FRYL: variants seen among roughly 807,000 people sequenced by gnomAD.
FRYL encodes the protein protein furry homolog-like.
FRYL carries 150 observed loss-of-function variants against 351.2 expected under a neutral mutation model. The ratio of observed to expected loss-of-function variants is 0.43; its 90% CI spans 0.37 to 0.49. The LOEUF is 0.49. Ranked by LOEUF, FRYL falls within the 20% of genes least tolerant of loss-of-function variation. The pLI is 0.00. For synonymous variants in FRYL, 1,153 were observed against 1,257.1 expected, an observed-to-expected ratio of 0.92 and a Z score of 1.75; for missense variants, 3,036 against 3,619.3, an observed-to-expected ratio of 0.84 and a Z score of 4.13.
At chr4:48,731,979 G>A (rs1474495438) in intron 1 of FRYL, among the ~76,000 whole-genome samples, 1 of 152,140 alleles carries the variant, frequency 6.6e-6, no homozygotes, top group Non-Finnish European at 1.5e-5. Context: ...ACTATCATCA[G>A]AGTGAGGCAA....
At chr4:48,656,057 AATT>A (rs1451717880) in intron 3 of FRYL, among the ~76,000 whole-genome samples, 2 of 137,678 alleles carry the variant, frequency 1.5e-5, no homozygotes, top group Non-Finnish European at 3.0e-5. Flanking sequence ...ATGTACATAT[AATT>A]ATACATTATA....
chr4:48,670,454 A>G (rs780277250), intron 3 of FRYL, among the ~76,000 whole-genome samples: 1 of 149,926 alleles, frequency 6.7e-6, no homozygotes, highest in Non-Finnish European at 1.5e-5. Flanking sequence ...ATACATATAC[A>G]TATATATATG....
intron 1 of FRYL, among the ~76,000 whole-genome samples, chr4:48,746,270 T>C (rs1324947314): frequency 6.6e-6 from 1 of 152,106 alleles, no homozygotes; most frequent in Non-Finnish European, 1.5e-5. Context: ...ATGCAGTGTT[T>C]TAAAACAGGT....
At chr4:48,728,443 A>G (rs1366070132) in intron 1 of FRYL, among the ~76,000 whole-genome samples, 1 of 152,154 alleles carries the variant, frequency 6.6e-6, no homozygotes, top group East Asian at 1.9e-4. Context: ...AGGAAAGGAG[A>G]GGAACAGAAG....
chr4:48,553,486 G>C, intron 35 of FRYL, 103 bp from the exon 36 acceptor site: 1 of 729,986 alleles, frequency 1.4e-6, no homozygotes, highest in African/African-American at 1.8e-5. Flanking sequence ...TTAAGTGGTA[G>C]ATGAATAAAC....
intron 25 of FRYL, among the ~76,000 whole-genome samples, chr4:48,574,806 G>GTCTCCC (rs1739235564): frequency 2.6e-5 from 4 of 152,128 alleles, no homozygotes; most frequent in African/African-American, 9.7e-5. Flanking sequence ...TTAAAAGAAT[G>GTCTCCC]ACTACATAAA....
At chr4:48,660,261 CAG>C (rs374327903) in intron 3 of FRYL, among the ~76,000 whole-genome samples, 10 of 152,086 alleles carry the variant, frequency 6.6e-5, no homozygotes, top group African/African-American at 1.9e-4. Context: ...AGTAAATAAA[CAG>C]GGGAGAACAG....
chr4:48,709,657 C>T (rs1578789463), intron 2 of FRYL, among the ~76,000 whole-genome samples: 1 of 152,050 alleles, frequency 6.6e-6, no homozygotes, highest in East Asian at 1.9e-4. Flanking sequence ...ATTATGAAAC[C>T]ACCAAAAATC....
At chr4:48,551,359 G>T in intron 37 of FRYL, 135 bp downstream of exon 37, 1 of 538,258 alleles carries the variant, frequency 1.9e-6, no homozygotes, top group Non-Finnish European at 3.2e-6. Context: ...AAAGTTTCCA[G>T]CATGGAAATA....
intron 16 of FRYL, among the ~76,000 whole-genome samples, chr4:48,592,112 A>ATATATATG (rs1743508471): frequency 8.5e-6 from 1 of 117,660 alleles, no homozygotes; most frequent in South Asian, 2.8e-4. Context: ...ATATATATAT[A>ATATATATG]TATTTTATCT....
At chr4:48,506,615 AATATATATATATATATAT>A (rs55736457) in intron 59 of FRYL, 1,494 of 71,648 alleles carry the variant, frequency 0.021, 25 homozygotes, top group African/African-American at 0.029. Flanking sequence ...CAATACAACT[AATATATATATATATATAT>A]ATATATATAT....
intron 15 of FRYL, among the ~76,000 whole-genome samples, chr4:48,595,354 A>C (rs1744385875): frequency 1.3e-5 from 2 of 152,214 alleles, no homozygotes; most frequent in African/African-American, 4.8e-5. Flanking sequence ...GATACTCAGA[A>C]GGTAATTAGT....
At chr4:48,556,725 G>A (rs1055225196) in intron 35 of FRYL, among the ~76,000 whole-genome samples, 1 of 152,048 alleles carries the variant, frequency 6.6e-6, no homozygotes, top group African/African-American at 2.4e-5. Flanking sequence ...TAAATCAGAT[G>A]TAGCTTCAAC....
intron 27 of FRYL, among the ~76,000 whole-genome samples, chr4:48,570,620 A>T (rs771564183): frequency 6.6e-6 from 1 of 152,232 alleles, no homozygotes; most frequent in Non-Finnish European, 1.5e-5. Context: ...GAAGCAATCC[A>T]ATTCTGGTAG....
At position 48,620,713 on chromosome 4, in the gene FRYL, G is replaced by C. The variant is rs1750490986; in HGVS notation, c.240C>G (p.Asp80Glu). Residue 80 changes from aspartate (D) to glutamate (E), a missense_variant, in exon 6 of 64, where the codon GAC (aspartate) becomes GAG (glutamate). Asp to Glu is a conservative substitution (Grantham distance 45, BLOSUM62 2). Around this residue, in one of 7 missense-constraint regions of FRYL, gnomAD observed 457 missense variants for 566.6 expected, o/e 0.81. Coordinates refer to ENST00000358350, the MANE Select transcript of FRYL (RefSeq NM_015030.2). ...CCGTTCCATTTTGGCGTCTGTACCA[G>C]TCAAACAAGGTGCGAAGTAAGGAAG... ...CLPSLLRTLF[D>E]WYRRQNGTED... 1.9e-6 allele frequency: 3 copies of C among 1,613,784 alleles called. No homozygotes were observed. Among genetic ancestry groups the C allele is most frequent in the Admixed American group, 1.7e-5 (1 of 59,984 alleles).
chr4:48,559,373 C>T (rs1470536737), intron 33 of FRYL, among the ~76,000 whole-genome samples: 1 of 148,428 alleles, frequency 6.7e-6, no homozygotes, highest in East Asian at 2.0e-4. Context: ...GGTGGGGGCC[C>T]GAGACGGTAC....
In FRYL at chr4:48,576,487, G is replaced by C. The variant is rs142305034; in HGVS notation, c.2529-265C>G. On this transcript the variant is annotated intron_variant, in intron 23 of 63. Coordinates refer to ENST00000358350, the MANE Select transcript of FRYL (RefSeq NM_015030.2). ...GCCCAGCAAATGTTTTGTATTTTTG[G>C]TAGAGATGAGGTTTCGTCATGTTGC... Among the ~76,000 whole-genome samples the C allele has an allele frequency of 8.4e-4, 127 of 151,980 alleles. No individual in the cohort carries two copies. In the East Asian group the frequency reaches 0.024, roughly 28 times the overall value.
chr4:48,751,071 A>C (rs1382772247), intron 1 of FRYL, among the ~76,000 whole-genome samples: 1 of 152,210 alleles, frequency 6.6e-6, no homozygotes, highest in Non-Finnish European at 1.5e-5. Flanking sequence ...TAGCAAAAGA[A>C]AGAGAAGAAT....
intron 1 of FRYL, among the ~76,000 whole-genome samples, chr4:48,765,409 G>C (rs1578969025): frequency 6.6e-6 from 1 of 152,126 alleles, no homozygotes; most frequent in African/African-American, 2.4e-5. Flanking sequence ...GGAAAGGACA[G>C]TCTCCTCAAT....
Sources: gnomAD v4.1 joint callset for allele counts (sites outside exome capture counted in the v4.1 genomes callset) on GRCh38, gnomAD v4.1.1 for gene constraint, gnomAD v4.1.1 regional missense constraint, MANE v1.5 for transcripts, NCBI Gene and HGNC (gene_info 2026-07-23, HGNC 2026-07-21) for gene names.